Variants in RARS1 observed in about 807,000 individuals in gnomAD.
RARS1 encodes arginine--tRNA ligase, cytoplasmic.
In RARS1, 75 loss-of-function variants were observed where a neutral mutation model predicts 78.7. The observed-to-expected ratio is 0.95, with a 90% CI of 0.79 to 1.15. The LOEUF is 1.15. Among genes scored for constraint, RARS1 ranks in the 50% most tolerant of loss-of-function variants. The probability of loss-of-function intolerance (pLI) is 0.00; values close to 1 mark genes in which losing one functional copy is unlikely to be tolerated. For synonymous variants in RARS1, 273 were observed against 268.2 expected (o/e 1.02, Z -0.18); for missense variants, 787 against 787.5 (o/e 1.00, Z 0.01).
rs1303182137 is a variant in RARS1 at position 168,494,518 on chromosome 5, G to GC, written c.479-32_479-31insC. ...GCGAGTGATTATTCAAGATAAGACAGTATCTGATATTTTTTCTCTTCTATC... is the reference window on the plus strand; with the variant it reads ...GCGAGTGATTATTCAAGATAAGACAGCTATCTGATATTTTTTCTCTTCTATC... On this transcript the variant is annotated intron_variant, in intron 4 of 14. Transcript: ENST00000231572. 7 of 1,603,312 alleles carry GC rather than the reference G, an allele frequency of 4.4e-6. No individual in the cohort carries two copies. The East Asian group carries it at 1.3e-4, about 31-fold the overall frequency.
At position 168,516,965 on chromosome 5, in the gene RARS1, G is replaced by A. The variant is rs1758678074; in HGVS notation, c.1625+15G>A. The A allele has an allele frequency of 6.2e-7, 1 of 1,609,888 alleles. No homozygotes were observed. Among genetic ancestry groups the A allele is most frequent in the African/African-American group, 1.3e-5 (1 of 74,862 alleles). On this transcript the variant is annotated intron_variant, in intron 13 of 14. Transcript: ENST00000231572. Reference sequence around the variant, plus strand: ...ACTAGAATCAGGTAATTGTGGGTAGGCATTGTTTTATTGTGAATCAAATGA... The same window carrying A: ...ACTAGAATCAGGTAATTGTGGGTAGACATTGTTTTATTGTGAATCAAATGA...
Position 168,519,143 on chromosome 5 carries a change from G to A in RARS1, c.1936G>A (p.Ala646Thr). Residue 646 changes from alanine to threonine, a missense_variant, in exon 15 of 15, where the codon GCC (alanine) becomes ACC (threonine). Transcript: ENST00000231572. ...LLCEAVAAVM[A>T]KGFDILGIKP... ...ATGTGAAGCAGTAGCTGCTGTCATG[G>A]CCAAGGGGTTTGATATCCTGGGAAT... 1 of 1,614,062 alleles carries A rather than the reference G, an allele frequency of 6.2e-7. No individual in the cohort carries two copies.
Position 168,486,632 on chromosome 5 carries a change from A to G in RARS1, c.45+89A>G. On this transcript the variant is annotated intron_variant, in intron 1 of 14. Transcript: ENST00000231572. The stretch of plus-strand genomic sequence containing the variant: ...AAGCGGCTTCGGGGGCGGGACAGCT[A>G]GGCGAGGACCATCCTGGTCCTCTCA... 1.1e-5 allele frequency: 15 copies of G among 1,386,494 alleles called. No individual in the cohort carries two copies. In the South Asian group the frequency reaches 1.9e-4, roughly 17 times the overall value. The allele number at this position is 1,386,494 out of a possible 1,614,324, so 85.9% of individuals were successfully genotyped here.
intron 2 of RARS1, among the ~76,000 whole-genome samples, chr5:168,489,273 G>A (rs1758030778): frequency 6.6e-6 from 1 of 151,814 alleles, no homozygotes; most frequent in African/African-American, 2.4e-5. Context: ...TCCCTGTCTT[G>A]GCCTCCCAAA....
chr5:168,491,302 G>A (rs1276899043), intron 2 of RARS1, among the ~76,000 whole-genome samples: 1 of 152,176 alleles, frequency 6.6e-6, no homozygotes, highest in Non-Finnish European at 1.5e-5. Flanking sequence ...CAAGGTTACA[G>A]TGAGCTGTCA....
chr5:168,500,413 A>G (rs564007007), intron 7 of RARS1, among the ~76,000 whole-genome samples, 178 bp from the exon 8 acceptor site: 2 of 152,246 alleles, frequency 1.3e-5, no homozygotes, highest in South Asian at 4.2e-4. Flanking sequence ...AATGATTTCA[A>G]AGTTCTTTGG....
At chr5:168,515,099 G>T (rs894941823) in intron 12 of RARS1, among the ~76,000 whole-genome samples, 1 of 152,090 alleles carries the variant, frequency 6.6e-6, no homozygotes, top group African/African-American at 2.4e-5. Context: ...TAATAATTTT[G>T]ATCTCTTTGG....
intron 7 of RARS1, among the ~76,000 whole-genome samples, chr5:168,499,882 G>C (rs969009123): frequency 6.6e-6 from 1 of 152,064 alleles, no homozygotes. Context: ...TTTCGTTTTA[G>C]TTAAAAAATA....
chr5:168,497,379 G>T, intron 7 of RARS1, 31 bp downstream of exon 7: 1 of 1,461,032 alleles, frequency 6.8e-7, no homozygotes, highest in East Asian at 2.4e-5. Context: ...TATTATGTGT[G>T]TGTTTACCAT....
chr5:168,506,229 A>G (rs756910783), intron 10 of RARS1, 30 bp downstream of exon 10: 10 of 1,484,108 alleles, frequency 6.7e-6, no homozygotes, highest in African/African-American at 1.4e-5. Context: ...TGTGTTTTAC[A>G]TTGACTGATT....
chr5:168,504,263 C>T (rs1290285828), intron 9 of RARS1, among the ~76,000 whole-genome samples: 1 of 151,692 alleles, frequency 6.6e-6, no homozygotes, highest in East Asian at 2.0e-4. Flanking sequence ...TGGTGGCTCA[C>T]ACCTGTAATC....
At chr5:168,518,977 G>A (rs1447783637) in intron 14 of RARS1, 104 bp from the exon 15 acceptor site, 3 of 794,264 alleles carry the variant, frequency 3.8e-6, no homozygotes, top group African/African-American at 3.5e-5. Flanking sequence ...TCTGTGGGTT[G>A]GACTATGCAC....
chr5:168,505,924 T>C, intron 9 of RARS1, 97 bp from the exon 10 acceptor site: 1 of 1,031,880 alleles, frequency 9.7e-7, no homozygotes, highest in Non-Finnish European at 1.4e-6. Context: ...CAAAATATTC[T>C]TAGAATAACT....
intron 9 of RARS1, among the ~76,000 whole-genome samples, chr5:168,504,698 G>T (rs1462849728): frequency 6.7e-6 from 1 of 149,478 alleles, no homozygotes; most frequent in African/African-American, 2.5e-5. Context: ...GTTGGCAGGT[G>T]CCTGTATTCC....
chr5:168,493,452 T>C (rs968909238), intron 3 of RARS1, among the ~76,000 whole-genome samples: 1 of 152,092 alleles, frequency 6.6e-6, no homozygotes, highest in Admixed American at 6.6e-5. Context: ...GTAAATATGC[T>C]GGAACCAGAC....
At chr5:168,507,436 G>T (rs1156267727) in intron 11 of RARS1, among the ~76,000 whole-genome samples, 1 of 152,056 alleles carries the variant, frequency 6.6e-6, no homozygotes, top group Admixed American at 6.5e-5. Context: ...CATTTTTCAT[G>T]TTGTAACCTC....
At chr5:168,495,474 A>T in intron 6 of RARS1, 38 bp downstream of exon 6, 1 of 1,584,122 alleles carries the variant, frequency 6.3e-7, no homozygotes. Context: ...CTCTTTCCTT[A>T]TTTTCTTGTT....
chr5:168,494,050 C>G (rs1481571445), intron 4 of RARS1, 48 bp downstream of exon 4: 1 of 1,483,384 alleles, frequency 6.7e-7, no homozygotes, highest in South Asian at 1.2e-5. Context: ...AACATGAGTC[C>G]TTTTTGAAGT....
intron 12 of RARS1, among the ~76,000 whole-genome samples, chr5:168,512,651 A>G (rs1013596928): frequency 2.6e-5 from 4 of 152,222 alleles, no homozygotes; most frequent in Non-Finnish European, 4.4e-5. Context: ...TTGGAGTCAG[A>G]TATTCGAGGG....
Sources: gnomAD v4.1 joint callset for allele counts (sites outside exome capture counted in the v4.1 genomes callset) on GRCh38, gnomAD v4.1.1 for gene constraint, MANE v1.5 for transcripts, NCBI Gene and HGNC (gene_info 2026-07-23, HGNC 2026-07-21) for gene names.